Variants in DLGAP2 observed in about 807,000 individuals in gnomAD.
DLGAP2 encodes the protein disks large-associated protein 2.
In DLGAP2, 26 loss-of-function variants were observed where a neutral mutation model predicts 100.3. The observed-to-expected ratio is 0.26, with a 90% CI of 0.19 to 0.36. The LOEUF is 0.36. DLGAP2 is among the 10% of genes least tolerant of loss of function. The probability of loss-of-function intolerance (pLI) is 1.00; values close to 1 mark genes in which losing one functional copy is unlikely to be tolerated. For missense variants in DLGAP2, 1,858 were observed against 1,453.2 expected, an observed-to-expected ratio of 1.28 and a Z score of -4.53; for synonymous variants, 886 against 630.1, an observed-to-expected ratio of 1.41 and a Z score of -6.08.
chr8:1,066,837 C>T (rs762628023), intron 2 of DLGAP2, among the ~76,000 whole-genome samples: 23 of 152,208 alleles, frequency 1.5e-4, no homozygotes, highest in Non-Finnish European at 2.1e-4. Context: ...CCTGATGGGA[C>T]GTGGGAGAGC....
chr8:1,576,642 A>T (rs961489997), intron 6 of DLGAP2, among the ~76,000 whole-genome samples: 1 of 152,136 alleles, frequency 6.6e-6, no homozygotes, highest in African/African-American at 2.4e-5. Context: ...AATTAATTTT[A>T]GTATAAGGTG....
chr8:748,809 G>T (rs939357358), intron 1 of DLGAP2, among the ~76,000 whole-genome samples: 5 of 152,192 alleles, frequency 3.3e-5, no homozygotes, highest in African/African-American at 1.2e-4. Context: ...GGACAAGGAT[G>T]GGTGAAACCC....
At chr8:1,626,611 G>T in intron 6 of DLGAP2, 129 bp from the exon 7 acceptor site, 1 of 1,205,132 alleles carries the variant, frequency 8.3e-7, no homozygotes, top group Non-Finnish European at 1.2e-6. Flanking sequence ...GGTGTGGGTT[G>T]GACGGTCGTT....
At chr8:1,353,723 T>C (rs982627433) in intron 3 of DLGAP2, among the ~76,000 whole-genome samples, 2 of 152,070 alleles carry the variant, frequency 1.3e-5, no homozygotes, top group Non-Finnish European at 2.9e-5. Flanking sequence ...AAAAATAATT[T>C]ACTTAACGTA....
intron 2 of DLGAP2, among the ~76,000 whole-genome samples, chr8:1,224,298 T>C (rs1023710719): frequency 3.4e-4 from 52 of 152,218 alleles, no homozygotes; most frequent in African/African-American, 1.2e-3. Context: ...ATAAGAGACA[T>C]AATTGACATG....
intron 2 of DLGAP2, among the ~76,000 whole-genome samples, chr8:963,801 T>C (rs1799783158): frequency 6.6e-6 from 1 of 152,212 alleles, no homozygotes; most frequent in Non-Finnish European, 1.5e-5. Context: ...AAACATTACA[T>C]AAAAGACCCA....
chr8:1,318,618 C>T (rs1016441343), intron 3 of DLGAP2, among the ~76,000 whole-genome samples: 7 of 151,670 alleles, frequency 4.6e-5, no homozygotes, highest in Admixed American at 6.6e-5. Flanking sequence ...TGTCGAAAGG[C>T]AGTTCTCTCA....
At chr8:1,452,263 T>C (rs117094779) in intron 3 of DLGAP2, among the ~76,000 whole-genome samples, 9,884 of 152,220 alleles carry the variant, frequency 0.065, 511 homozygotes, top group East Asian at 0.18. Flanking sequence ...ATGTGTTCTG[T>C]GGCTGGGTGT....
chr8:857,143 G>A (rs144739242), intron 1 of DLGAP2, among the ~76,000 whole-genome samples: 1 of 152,224 alleles, frequency 6.6e-6, no homozygotes, highest in Non-Finnish European at 1.5e-5. Context: ...TCAACAGATG[G>A]TGTGGAGCAA....
At chr8:1,495,743 G>C (rs115612216) in intron 3 of DLGAP2, among the ~76,000 whole-genome samples, 1 of 152,216 alleles carries the variant, frequency 6.6e-6, no homozygotes, top group Non-Finnish European at 1.5e-5. Context: ...AGTGGTGGCC[G>C]TGCTGGGTCT....
chr8:741,038 T>A (rs963804405), intron 1 of DLGAP2, among the ~76,000 whole-genome samples: 2 of 152,232 alleles, frequency 1.3e-5, no homozygotes, highest in African/African-American at 4.8e-5. Context: ...TTAAAAATTA[T>A]TCTTAATCAA....
At chr8:823,055 A>AGG (rs199618862) in intron 1 of DLGAP2, among the ~76,000 whole-genome samples, 3 of 151,506 alleles carry the variant, frequency 2.0e-5, no homozygotes, top group Non-Finnish European at 4.4e-5. Flanking sequence ...TCTAAATTTC[A>AGG]GGGGGGGCCA....
At chr8:1,126,119 C>A (rs376109175) in intron 2 of DLGAP2, among the ~76,000 whole-genome samples, 6 of 152,210 alleles carry the variant, frequency 3.9e-5, no homozygotes, top group Non-Finnish European at 8.8e-5. Flanking sequence ...ATGGCCCCTG[C>A]GGTGAATACG....
intron 3 of DLGAP2, among the ~76,000 whole-genome samples, chr8:1,490,174 G>A (rs7821607): frequency 0.038 from 5,814 of 152,238 alleles, 359 homozygotes; most frequent in African/African-American, 0.13. Context: ...ACAGGCATGA[G>A]CCACTGCGCC....
At chr8:1,438,649 A>C (rs960815248) in intron 3 of DLGAP2, among the ~76,000 whole-genome samples, 1 of 152,210 alleles carries the variant, frequency 6.6e-6, no homozygotes, top group African/African-American at 2.4e-5. Flanking sequence ...GCCGGGCAAC[A>C]CTCGCCAGAG....
At chr8:1,245,823 C>G (rs896446165) in intron 2 of DLGAP2, among the ~76,000 whole-genome samples, 5 of 152,174 alleles carry the variant, frequency 3.3e-5, no homozygotes, top group African/African-American at 1.2e-4. Flanking sequence ...GGCAGACATA[C>G]TTTGTGCACA....
intron 4 of DLGAP2, among the ~76,000 whole-genome samples, chr8:1,543,884 C>T (rs545304003): frequency 2.0e-5 from 3 of 151,736 alleles, no homozygotes; most frequent in African/African-American, 4.9e-5. Flanking sequence ...TTTCAGTGTA[C>T]GAATCTTTCA....
intron 2 of DLGAP2, among the ~76,000 whole-genome samples, chr8:979,503 A>G (rs543790012): frequency 1.1e-3 from 160 of 152,348 alleles, no homozygotes; most frequent in African/African-American, 3.7e-3. Flanking sequence ...GAGACATGGT[A>G]TTGTAATCAA....
chr8:814,196 A>G (rs1203479020), intron 1 of DLGAP2, among the ~76,000 whole-genome samples: 1 of 152,218 alleles, frequency 6.6e-6, no homozygotes, highest in Non-Finnish European at 1.5e-5. Context: ...AGGCAGTGAA[A>G]AGTAGAATAG....
Sources: allele counts gnomAD v4.1 joint callset (sites outside exome capture counted in the v4.1 genomes callset), GRCh38; gene constraint gnomAD v4.1.1; transcripts MANE v1.5; gene names NCBI Gene and HGNC (gene_info 2026-07-23, HGNC 2026-07-21).